PTPRD: variants seen among roughly 807,000 people sequenced by gnomAD.
The protein encoded by PTPRD is receptor-type tyrosine-protein phosphatase delta.
PTPRD carries 34 observed loss-of-function variants against 214.5 expected under a neutral mutation model. The ratio of observed to expected loss-of-function variants is 0.16; its 90% CI spans 0.12 to 0.21. The LOEUF (loss-of-function observed/expected upper bound fraction) is 0.21, where lower values mean the gene tolerates loss of function less well. Among genes scored for constraint, PTPRD ranks in the 10% least tolerant of loss-of-function variants. The pLI is 1.00. For missense variants in PTPRD, 2,545 were observed against 2,398.7 expected (o/e 1.06, Z -1.27); for synonymous variants, 1,128 against 845.7 (o/e 1.33, Z -5.79).
intron 7 of PTPRD, among the ~76,000 whole-genome samples, chr9:9,626,975 G>A (rs1311721551): frequency 6.6e-6 from 1 of 152,206 alleles, no homozygotes; most frequent in African/African-American, 2.4e-5. Flanking sequence ...TTTAGGAATA[G>A]TATAAGACAG....
At chr9:9,464,308 A>T (rs1031106367) in intron 8 of PTPRD, among the ~76,000 whole-genome samples, 6 of 152,176 alleles carry the variant, frequency 3.9e-5, no homozygotes, top group Non-Finnish European at 4.4e-5. Context: ...CTGCTTTTGG[A>T]ATCCCCACAG....
chr9:8,650,798 A>G (rs1320031546), intron 12 of PTPRD, among the ~76,000 whole-genome samples: 1 of 151,992 alleles, frequency 6.6e-6, no homozygotes, highest in Non-Finnish European at 1.5e-5. Flanking sequence ...TAAAGTAAGT[A>G]TAATTATTTT....
intron 12 of PTPRD, among the ~76,000 whole-genome samples, chr9:8,705,815 G>A (rs1412034999): frequency 6.6e-6 from 1 of 151,910 alleles, no homozygotes; most frequent in African/African-American, 2.4e-5. Flanking sequence ...TATAGTAAAG[G>A]CAATTCCCTA....
chr9:10,005,719 A>AAT (rs1196932937), intron 4 of PTPRD, among the ~76,000 whole-genome samples: 1 of 152,078 alleles, frequency 6.6e-6, no homozygotes, highest in Non-Finnish European at 1.5e-5. Flanking sequence ...GGTACCTCGT[A>AAT]ATATATATTG....
chr9:9,672,785 A>G (rs2096855971), intron 7 of PTPRD, among the ~76,000 whole-genome samples: 1 of 152,106 alleles, frequency 6.6e-6, no homozygotes, highest in Non-Finnish European at 1.5e-5. Flanking sequence ...ATAGCTAGTA[A>G]AAGTAATCTA....
intron 10 of PTPRD, among the ~76,000 whole-genome samples, chr9:9,019,535 T>C (rs111934705): frequency 0.016 from 2,395 of 152,160 alleles, 40 homozygotes; most frequent in Middle Eastern, 0.044. Flanking sequence ...TGAAACCCCA[T>C]CTCTACTCAA....
chr9:9,772,451 T>C (rs968992460), intron 5 of PTPRD, among the ~76,000 whole-genome samples: 1 of 152,156 alleles, frequency 6.6e-6, no homozygotes, highest in African/African-American at 2.4e-5. Flanking sequence ...ATTTTATCCT[T>C]AGTGTTCTTG....
intron 9 of PTPRD, among the ~76,000 whole-genome samples, chr9:9,396,712 G>T (rs554040168): frequency 1.3e-5 from 2 of 152,054 alleles, no homozygotes; most frequent in Non-Finnish European, 1.5e-5. Context: ...TATCGCAATT[G>T]AATAAGAACA....
At chr9:9,793,643 G>C (rs905076203) in intron 5 of PTPRD, among the ~76,000 whole-genome samples, 1 of 151,674 alleles carries the variant, frequency 6.6e-6, no homozygotes, top group Non-Finnish European at 1.5e-5. Context: ...TGAATCAAGC[G>C]GGAAAAATTT....
At chr9:9,417,314 A>G (rs920074528) in intron 8 of PTPRD, among the ~76,000 whole-genome samples, 8 of 152,186 alleles carry the variant, frequency 5.3e-5, no homozygotes, top group African/African-American at 1.9e-4. Flanking sequence ...ATATAGATTC[A>G]TTCCACAAAC....
chr9:9,858,493 G>A (rs1165581349), intron 5 of PTPRD, among the ~76,000 whole-genome samples: 1 of 152,126 alleles, frequency 6.6e-6, no homozygotes, highest in African/African-American at 2.4e-5. Context: ...TGGCAAATGT[G>A]CCAACATTCT....
intron 14 of PTPRD, among the ~76,000 whole-genome samples, chr9:8,610,500 T>G (rs1228332208): frequency 2.0e-5 from 3 of 152,134 alleles, no homozygotes; most frequent in Non-Finnish European, 2.9e-5. Context: ...GATACCTGAA[T>G]CCAAACTAAA....
At chr9:10,448,540 A>G (rs1300138371) in intron 2 of PTPRD, among the ~76,000 whole-genome samples, 1 of 152,048 alleles carries the variant, frequency 6.6e-6, no homozygotes, top group Admixed American at 6.5e-5. Context: ...GTAAAGTGGC[A>G]AGTGATAGTG....
Position 10,431,523 on chromosome 9 carries a change from C to T in PTPRD, c.-599-90506G>A, listed in dbSNP as rs564899562. ...AACCTACAAAATGGGAGAAAATTTTCGCAACCTACTCATCTGACAAAGGGC... is the reference window on the plus strand; with the variant it reads ...AACCTACAAAATGGGAGAAAATTTTTGCAACCTACTCATCTGACAAAGGGC... On this transcript the variant is annotated intron_variant, in intron 2 of 45. Coordinates refer to ENST00000381196, the MANE Select transcript of PTPRD (RefSeq NM_002839.4). 3.4e-3 allele frequency among the ~76,000 whole-genome samples: 509 copies of T among 151,770 alleles called. 1 individual carries two copies. The highest frequency in any genetic ancestry group is 0.01 in the Middle Eastern group (3 of 294).
chr9:9,473,188 T>C (rs1482451974), intron 8 of PTPRD, among the ~76,000 whole-genome samples: 1 of 152,198 alleles, frequency 6.6e-6, no homozygotes, highest in Non-Finnish European at 1.5e-5. Context: ...TGATTTTTAG[T>C]TCTCACATAT....
At chr9:10,564,339 G>A (rs909676871) in intron 2 of PTPRD, among the ~76,000 whole-genome samples, 4 of 150,572 alleles carry the variant, frequency 2.7e-5, no homozygotes, top group South Asian at 2.1e-4. Flanking sequence ...TAAAATAGAC[G>A]AAACCGTTTT....
intron 8 of PTPRD, among the ~76,000 whole-genome samples, chr9:9,427,796 C>G (rs959603195): frequency 3.3e-5 from 5 of 152,144 alleles, no homozygotes; most frequent in African/African-American, 9.7e-5. Flanking sequence ...CCCAGAATTT[C>G]ATATCCAGCC....
At chr9:8,671,011 G>T (rs1394227371) in intron 12 of PTPRD, among the ~76,000 whole-genome samples, 3 of 152,082 alleles carry the variant, frequency 2.0e-5, no homozygotes, top group African/African-American at 7.2e-5. Context: ...ATGTGGAGGT[G>T]GGGGGAGGAT....
At chr9:10,426,662 A>C (rs946681332) in intron 2 of PTPRD, among the ~76,000 whole-genome samples, 1 of 152,070 alleles carries the variant, frequency 6.6e-6, no homozygotes, top group Non-Finnish European at 1.5e-5. Flanking sequence ...AGAATCAACA[A>C]TCCAAAGTAA....
Sources: gnomAD v4.1 joint callset for allele counts (sites outside exome capture counted in the v4.1 genomes callset) on GRCh38, gnomAD v4.1.1 for gene constraint, MANE v1.5 for transcripts, NCBI Gene and HGNC (gene_info 2026-07-23, HGNC 2026-07-21) for gene names.